ABCA3: variants seen among roughly 807,000 people sequenced by gnomAD.
The protein encoded by ABCA3 is ATP binding cassette subfamily A member 3.
In ABCA3, 88 loss-of-function variants were observed where a neutral mutation model predicts 172.8. That is an observed-to-expected ratio of 0.51 (90% CI 0.43 to 0.61). The LOEUF is 0.61. ABCA3 is among the 20% of genes least tolerant of loss of function. The pLI is 0.00. For synonymous variants in ABCA3, 1,066 were observed against 983.8 expected (o/e 1.08, Z -1.56); for missense variants, 2,164 against 2,301.0 (o/e 0.94, Z 1.22).
chr16:2,327,404 T>G (rs2093735996), intron 3 of ABCA3, among the ~76,000 whole-genome samples: 1 of 152,260 alleles, frequency 6.6e-6, no homozygotes, highest in Admixed American at 6.5e-5. Flanking sequence ...ACCAAAATAT[T>G]CAGGCTTATG....
chr16:2,340,387 G>A lies in ABCA3; in HGVS notation c.-539+186C>T, dbSNP rs45491794. Among the ~76,000 whole-genome samples the A allele has an allele frequency of 4.3e-3, 657 of 151,712 alleles. 3 individuals are homozygous for A. The highest frequency in any genetic ancestry group is 0.015 in the African/African-American group (625 of 41,478). On this transcript the variant is annotated intron_variant, in intron 1 of 32. Transcript: ENST00000301732. ...GGGAGCGCCCGGAGCCGAGGCCGCG[G>A]CAGGAGGGGCGGGCGCGGGCGCGGC...
At position 2,326,004 on chromosome 16, in the gene ABCA3, T is replaced by C. The variant is rs745582906; in HGVS notation, c.319+6A>G. ...GCCTGGCACCGAGAGCCCCGGCATG[T>C]CTCACCTCGCATGTTGATCACAAGT... On this transcript the variant is annotated splice_donor_region_variant and intron_variant, in intron 5 of 32. Coordinates refer to ENST00000301732, the MANE Select transcript of ABCA3 (RefSeq NM_001089.3). The C allele has an allele frequency of 6.2e-7, 1 of 1,613,492 alleles. No individual in the cohort carries two copies. The highest frequency in any genetic ancestry group is 2.2e-5 in the East Asian group (1 of 44,860).
At chr16:2,295,787 C>G in intron 17 of ABCA3, 47 bp from the exon 18 acceptor site, 2 of 1,612,496 alleles carry the variant, frequency 1.2e-6, no homozygotes, top group Non-Finnish European at 1.7e-6. Flanking sequence ...TCCCCCAGGT[C>G]TCTTCATGCC....
At chr16:2,288,353 A>T in intron 20 of ABCA3, 24 bp from the exon 21 acceptor site, 1 of 1,538,220 alleles carries the variant, frequency 6.5e-7, no homozygotes, top group Non-Finnish European at 8.7e-7. Flanking sequence ...GACGCAGGTG[A>T]CACCGGCACC....
intron 5 of ABCA3, 38 bp from the exon 6 acceptor site, chr16:2,324,569 C>T (rs552752601): frequency 2.2e-5 from 36 of 1,604,616 alleles, no homozygotes; most frequent in South Asian, 5.5e-5. Flanking sequence ...GTTGCCCAAT[C>T]GGCCCTCCTG....
In ABCA3 at chr16:2,298,057, G is replaced by A. The variant is rs1292568906; in HGVS notation, c.1897-136C>T. 6.5e-5 allele frequency: 55 copies of A among 844,036 alleles called. 15 individuals carry two copies. In the South Asian group the frequency reaches 7.2e-4, roughly 11 times the overall value. The allele number at this position is 844,036 out of a possible 1,614,324, so 52.3% of individuals were successfully genotyped here. ...GGGCTCCTGGCGGGAGGCCGACCAC[G>A]GCCAGCAAGGTTCTGGTGAGAGGAA... On this transcript the variant is annotated intron_variant, in intron 15 of 32. Coordinates refer to ENST00000301732, the MANE Select transcript of ABCA3 (RefSeq NM_001089.3).
intron 1 of ABCA3, among the ~76,000 whole-genome samples, chr16:2,332,148 C>T (rs1030892233): frequency 3.9e-5 from 6 of 152,120 alleles, no homozygotes; most frequent in Admixed American, 1.3e-4. Flanking sequence ...CAAGAGCCAT[C>T]GGCTGTGCCA....
intron 1 of ABCA3, chr16:2,332,735 T>G (rs1369587641): frequency 3.5e-6 from 4 of 1,146,722 alleles, no homozygotes; most frequent in Non-Finnish European, 5.1e-6. Context: ...ACCGATTGCC[T>G]CCTCCATTTC....
chr16:2,317,025 C>T (rs1057129140), intron 10 of ABCA3, among the ~76,000 whole-genome samples: 3 of 152,236 alleles, frequency 2.0e-5, no homozygotes, highest in Non-Finnish European at 4.4e-5. Flanking sequence ...GCTCACTGTC[C>T]TCACTTCTGG....
chr16:2,278,246 C>T lies in ABCA3; in HGVS notation c.4718+42G>A. The stretch of plus-strand genomic sequence containing the variant: ...GCCACCTGGCTCCTCCATGGCCCAC[C>T]CGGTGCTGAAACTTCCAGTAACCCA... On this transcript the variant is annotated intron_variant, in intron 30 of 32. Coordinates refer to ENST00000301732, the MANE Select transcript of ABCA3 (RefSeq NM_001089.3). This position sits in a 1 kb window ranked among gnomAD's most constrained non-coding sequence, Gnocchi z 4.4. 6.2e-7 allele frequency: 1 copy of T among 1,603,312 alleles called. No homozygotes were observed. Among genetic ancestry groups the T allele is most frequent in the Non-Finnish European group, 8.5e-7 (1 of 1,179,934 alleles).
chr16:2,326,067 C>T lies in ABCA3; in HGVS notation c.262G>A (p.Asp88Asn), dbSNP rs2093733800. The T allele has an allele frequency of 1.2e-6, 2 of 1,613,942 alleles. No homozygotes were observed. The highest frequency in any genetic ancestry group is 1.7e-5 in the Admixed American group (1 of 60,002). Residue 88 changes from aspartate to asparagine, a missense_variant, in exon 5 of 33, where the codon GAC (aspartate) becomes AAC (asparagine). By Grantham distance (23) the Asp-to-Asn change is conservative (BLOSUM62 1). Around this residue, in one of 3 missense-constraint regions of ABCA3, gnomAD observed 1,343 missense variants for 1,369.6 expected, o/e 0.98. Coordinates refer to ENST00000301732, the MANE Select transcript of ABCA3 (RefSeq NM_001089.3). The part of the protein sequence containing the change: ...WELAYIPSHS[D>N]AAKTVTETVR... ...GTCTCAGTGACGGTCTTGGCAGCGT[C>T]ACTGTGAGAAGGGATGTAGGCAAGC...
rs1184750967 is a variant in ABCA3 at position 2,298,525 on chromosome 16, G to A, written c.1757C>T (p.Thr586Ile). The change falls in exon 15 of 33, where the codon ACC becomes ATC. Residue 586 changes from threonine (T) to isoleucine (I), a missense_variant. Thr to Ile is a moderately conservative substitution (Grantham distance 89, BLOSUM62 -1). Around this residue, in one of 3 missense-constraint regions of ABCA3, gnomAD observed 1,343 missense variants for 1,369.6 expected, o/e 0.98. Transcript: ENST00000301732. The stretch of plus-strand genomic sequence containing the variant: ...CCCGCTGATGTATGCCCGTCCACTG[G>A]TGGGGGGAAAGAGACCTGGGGCCCA... ...LSMLTGLFPP[T>I]SGRAYISGYE... The A allele has an allele frequency of 6.2e-7, 1 of 1,613,754 alleles. No individual in the cohort carries two copies. The highest frequency in any genetic ancestry group is 8.5e-7 in the Non-Finnish European group (1 of 1,180,018).
At position 2,297,901 on chromosome 16, in the gene ABCA3, C is replaced by G; in HGVS notation, c.1917G>C (p.Gln639His). Reference sequence around the variant, plus strand: ...TCTGCTTGACTTCTTCAGGGCACTTCTGACGTGACAGGCCCTTCAGCTGCA... The same window carrying G: ...TCTGCTTGACTTCTTCAGGGCACTTGTGACGTGACAGGCCCTTCAGCTGCA... ...FYAQLKGLSR[Q>H]KCPEEVKQML... Residue 639 changes from glutamine (Q) to histidine (H), a missense_variant, in exon 16 of 33, where the codon CAG (glutamine) becomes CAC (histidine). By Grantham distance (24) the Gln-to-His change is conservative. Transcript: ENST00000301732. The surrounding 1 kb of genome is among the most constrained non-coding windows in gnomAD (Gnocchi z 5.6). 1 of 1,613,774 alleles carries G rather than the reference C, an allele frequency of 6.2e-7. No individual in the cohort carries two copies. Among genetic ancestry groups the G allele is most frequent in the Non-Finnish European group, 8.5e-7 (1 of 1,180,044 alleles).
chr16:2,303,716 G>A (rs1414420207), intron 12 of ABCA3, among the ~76,000 whole-genome samples: 1 of 152,184 alleles, frequency 6.6e-6, no homozygotes, highest in East Asian at 1.9e-4. Context: ...CAGAGCAGCC[G>A]GTTCTCTGCA....
chr16:2,289,570 G>A lies in ABCA3; in HGVS notation c.2564C>T (p.Pro855Leu). 1 of 1,559,146 alleles carries A rather than the reference G, an allele frequency of 6.4e-7. No individual in the cohort carries two copies. Among genetic ancestry groups the A allele is most frequent in the Non-Finnish European group, 8.7e-7 (1 of 1,152,066 alleles). ...SSMDIQAIQL[P>L]ALQYQHERRA... ...CCTCTCGTGCTGGTACTGCAGGGCA[G>A]GGAGCTGGATGGCCTGGATGTCCAT... Residue 855 changes from proline to leucine, a missense_variant, in exon 20 of 33, where the codon CCT (proline) becomes CTT (leucine). Physicochemically the swap from Pro to Leu is moderately conservative, Grantham distance 98. This residue lies in a region of ABCA3 where 1,343 missense variants were observed against 1,369.6 expected (regional missense o/e 0.98). Coordinates refer to ENST00000301732, the MANE Select transcript of ABCA3 (RefSeq NM_001089.3).
chr16:2,316,401 T>C (rs1261826834), intron 10 of ABCA3, among the ~76,000 whole-genome samples: 2 of 142,958 alleles, frequency 1.4e-5, no homozygotes, highest in African/African-American at 2.6e-5. Flanking sequence ...TCCCAGCACT[T>C]TGGGAAGCCA....
chr16:2,318,103 C>A (rs1278479472), intron 8 of ABCA3, among the ~76,000 whole-genome samples: 1 of 152,254 alleles, frequency 6.6e-6, no homozygotes, highest in Non-Finnish European at 1.5e-5. Context: ...GGAGCCCAGC[C>A]CTTCTGGGGG....
At position 2,310,976 on chromosome 16, in the gene ABCA3, C is replaced by CT. The variant is rs200727344; in HGVS notation, c.1112-2354dup. Among the ~76,000 whole-genome samples the CT allele has an allele frequency of 3.7e-3, 563 of 151,094 alleles. 8 individuals carry two copies. The highest frequency in any genetic ancestry group is 0.037 in the East Asian group (190 of 5,142). On this transcript the variant is annotated intron_variant, in intron 10 of 32. Coordinates refer to ENST00000301732, the MANE Select transcript of ABCA3 (RefSeq NM_001089.3). ...TTTACTCTTTTCTTTCTTTTCTTTT[C>CT]TTTTTTTTTCTTTTTTGAGATGGAG...
At chr16:2,337,415 G>A (rs1468188100) in intron 1 of ABCA3, among the ~76,000 whole-genome samples, 1 of 150,436 alleles carries the variant, frequency 6.6e-6, no homozygotes, top group Non-Finnish European at 1.5e-5. Flanking sequence ...CTTTTGCCTA[G>A]GCTGGAGTAT....
Sources: allele counts gnomAD v4.1 joint callset (sites outside exome capture counted in the v4.1 genomes callset), GRCh38; gene constraint gnomAD v4.1.1; regional missense constraint gnomAD v4.1.1; non-coding constraint Gnocchi (gnomAD v3.1); transcripts MANE v1.5; gene names NCBI Gene and HGNC (gene_info 2026-07-23, HGNC 2026-07-21).